The following MLXIP variants were observed in gnomAD, a reference collection of about 807,000 sequenced individuals.
MLXIP encodes the protein MLX-interacting protein.
A neutral mutation model predicts 87.2 loss-of-function variants in MLXIP; 30 were observed. The observed-to-expected ratio is 0.34, with a 90% confidence interval of 0.26 to 0.47. The LOEUF is 0.47. Ranked by LOEUF, MLXIP falls within the 20% of genes least tolerant of loss-of-function variation. The pLI is 1.00. For missense variants in MLXIP, 1,002 were observed against 1,240.1 expected (o/e 0.81, Z 2.88); for synonymous variants, 530 against 514.0 (o/e 1.03, Z -0.42).
At chr12:122,122,679 G>A (rs895956303) in intron 1 of MLXIP, among the ~76,000 whole-genome samples, 1 of 151,838 alleles carries the variant, frequency 6.6e-6, no homozygotes, top group African/African-American at 2.4e-5. Flanking sequence ...GTAGCTGGGA[G>A]TACAGGCGCC....
At chr12:122,122,003 C>G (rs933264326) in intron 1 of MLXIP, among the ~76,000 whole-genome samples, 2 of 152,176 alleles carry the variant, frequency 1.3e-5, no homozygotes, top group African/African-American at 4.8e-5. Context: ...CGATGGCCTT[C>G]CCACAGAGGG....
chr12:122,137,427 G>A lies in MLXIP; in HGVS notation c.2033-42G>A, dbSNP rs774796085. ...CCAGGCTGCCTCCTGGTGGCGTTGAGGGGCCAGGCCTCCGCCCCTCAGAGG... is the reference window on the plus strand; with the variant it reads ...CCAGGCTGCCTCCTGGTGGCGTTGAAGGGCCAGGCCTCCGCCCCTCAGAGG... On this transcript the variant is annotated intron_variant, in intron 11 of 16. Coordinates refer to ENST00000319080, the MANE Select transcript of MLXIP (RefSeq NM_014938.6). The surrounding 1 kb of genome is among the most constrained non-coding windows in gnomAD (Gnocchi z 4.1). 3.8e-6 allele frequency: 6 copies of A among 1,586,368 alleles called. No homozygotes were observed. The Admixed American group carries it at 1.1e-4, about 29-fold the overall frequency.
intron 1 of MLXIP, among the ~76,000 whole-genome samples, chr12:122,100,108 C>T (rs1306141444): frequency 1.3e-5 from 2 of 152,032 alleles, no homozygotes; most frequent in African/African-American, 4.8e-5. Context: ...GAGTGTAGAC[C>T]TGGTGAACAG....
rs1565951712 is a variant in MLXIP, at chr12:122,079,146, A to G, written c.293A>G (p.Asp98Gly). The G allele has an allele frequency of 6.4e-7, 1 of 1,550,642 alleles. No homozygotes were observed. The highest frequency in any genetic ancestry group is 8.7e-7 in the Non-Finnish European group (1 of 1,146,732). ...GAGCACCCGCCCAAGAAGGGCTACG[A>G]TTTCGACACGGTCAACAAACAGACG... The part of the protein sequence containing the change: ...HREHPPKKGY[D>G]FDTVNKQTCQ... Residue 98 changes from aspartate to glycine, a missense_variant, in exon 1 of 17, where the codon GAT becomes GGT. Physicochemically the swap from Asp to Gly is moderately conservative, Grantham distance 94. This residue lies in a region of MLXIP where 127 missense variants were observed against 239.0 expected (regional missense o/e 0.53). Transcript: ENST00000319080.
rs746678463 is a variant in MLXIP at position 122,084,144 on chromosome 12, T to TTGTG, written c.413+4924_413+4927dup. 9.7e-3 allele frequency among the ~76,000 whole-genome samples: 1,338 copies of TTGTG among 138,218 alleles called. 21 individuals carry two copies. The highest frequency in any genetic ancestry group is 0.025 in the African/African-American group (915 of 36,732). The allele number at this position is 138,218 out of a possible 152,430, so 90.7% of individuals were successfully genotyped here. On this transcript the variant is annotated intron_variant, in intron 1 of 16. Transcript: ENST00000319080. Reference sequence around the variant, plus strand: ...TACCGGGAAGGATATCTCAGCCAGATTGTGTGTGTGTGTGTGTGTGTGTGT... The same window carrying TTGTG: ...TACCGGGAAGGATATCTCAGCCAGATTGTGTGTGTGTGTGTGTGTGTGTGTGTGT...
At chr12:122,109,225 C>T (rs569085936) in intron 1 of MLXIP, among the ~76,000 whole-genome samples, 2 of 152,156 alleles carry the variant, frequency 1.3e-5, no homozygotes, top group Admixed American at 6.5e-5. Context: ...TGAGCCACCA[C>T]GCCCAGCTAA....
Position 122,145,959 on chromosome 12 carries a change from G to A in MLXIP, c.*4147G>A, listed in dbSNP as rs1455346418. ...CTCGCCCGCCTGAGGCCTCCTAGCA[G>A]GCAGCCTGGGTGTGAGTTGAGCCTC... On this transcript the variant is annotated 3_prime_UTR_variant, in exon 17 of 17. Coordinates refer to ENST00000319080, the MANE Select transcript of MLXIP (RefSeq NM_014938.6). 2.0e-5 allele frequency: 3 copies of A among 152,462 alleles called. No homozygotes were observed. Among genetic ancestry groups the A allele is most frequent in the Non-Finnish European group, 2.9e-5 (2 of 68,260 alleles). The allele number at this position is 152,462 out of a possible 1,614,324, so 9.4% of individuals were successfully genotyped here.
chr12:122,100,516 T>C (rs1952421122), intron 1 of MLXIP, among the ~76,000 whole-genome samples: 1 of 152,160 alleles, frequency 6.6e-6, no homozygotes, highest in Non-Finnish European at 1.5e-5. Context: ...TTTAGAAACA[T>C]ATTTTTGAAT....
At chr12:122,097,192 G>T (rs1423811590) in intron 1 of MLXIP, among the ~76,000 whole-genome samples, 1 of 152,082 alleles carries the variant, frequency 6.6e-6, no homozygotes, top group Non-Finnish European at 1.5e-5. Context: ...GGCGGACAGG[G>T]TCTCGCTCTG....
intron 14 of MLXIP, 115 bp downstream of exon 14, chr12:122,138,666 A>ATTACT (rs1357350786): frequency 6.7e-7 from 1 of 1,495,274 alleles, no homozygotes; most frequent in East Asian, 2.5e-5. Context: ...TTGCTGCAGT[A>ATTACT]GTTCTGCTCT....
At position 122,144,878 on chromosome 12, in the gene MLXIP, C is replaced by A. The variant is rs1029591867; in HGVS notation, c.*3066C>A. 10 of 151,890 alleles carry A rather than the reference C, an allele frequency of 6.6e-5. No individual in the cohort carries two copies. The highest frequency in any genetic ancestry group is 2.4e-4 in the African/African-American group (10 of 41,324). The allele number at this position is 151,890 out of a possible 1,614,324, so 9.4% of individuals were successfully genotyped here. Reference sequence around the variant, plus strand: ...CTCCAGCCTGGGTGACAGAGCAAAACCCTATCTCAAAAAAAAAAAGAAGAA... The same window carrying A: ...CTCCAGCCTGGGTGACAGAGCAAAAACCTATCTCAAAAAAAAAAAGAAGAA... On this transcript the variant is annotated 3_prime_UTR_variant, in exon 17 of 17. Coordinates refer to ENST00000319080, the MANE Select transcript of MLXIP (RefSeq NM_014938.6).
intron 1 of MLXIP, among the ~76,000 whole-genome samples, chr12:122,094,762 C>T (rs1219601677): frequency 1.7e-5 from 2 of 114,708 alleles, no homozygotes; most frequent in Non-Finnish European, 3.5e-5. Context: ...TGTGTGTATG[C>T]GGTGTCTGTG....
intron 1 of MLXIP, among the ~76,000 whole-genome samples, chr12:122,114,668 C>T (rs75007182): frequency 0.019 from 2,918 of 152,102 alleles, 98 homozygotes; most frequent in African/African-American, 0.068. Flanking sequence ...ATTTCTAATT[C>T]CAGGGGCCTA....
At chr12:122,103,840 GTTT>G (rs377424471) in intron 1 of MLXIP, among the ~76,000 whole-genome samples, 1 of 142,832 alleles carries the variant, frequency 7.0e-6, no homozygotes. Flanking sequence ...AATTTTGTTT[GTTT>G]TTTTTTTTTT....
At position 122,141,643 on chromosome 12, in the gene MLXIP, G is replaced by A. The variant is rs748789643; in HGVS notation, c.2639-48G>A. The A allele has an allele frequency of 3.1e-6, 5 of 1,604,114 alleles. No individual in the cohort carries two copies. The South Asian group carries it at 3.4e-5, about 11-fold the overall frequency. ...AGGTACAAAGCCGAGTGTGCGGTGT[G>A]TGGTGGGTCTGTGTCACTGCCTGTG... On this transcript the variant is annotated intron_variant, in intron 16 of 16. Coordinates refer to ENST00000319080, the MANE Select transcript of MLXIP (RefSeq NM_014938.6).
intron 1 of MLXIP, among the ~76,000 whole-genome samples, chr12:122,090,725 T>G (rs900548854): frequency 6.6e-6 from 1 of 152,224 alleles, no homozygotes; most frequent in African/African-American, 2.4e-5. Flanking sequence ...AAGTAAATAC[T>G]TTTAAAAACA....
intron 1 of MLXIP, among the ~76,000 whole-genome samples, chr12:122,122,360 T>C (rs2135960277): frequency 6.6e-6 from 1 of 152,038 alleles, no homozygotes; most frequent in Middle Eastern, 3.4e-3. Flanking sequence ...GGCTCCCTTG[T>C]GGGCTTTGTA....
chr12:122,133,857 A>T lies in MLXIP; in HGVS notation c.1602A>T (p.Pro534=). 1 of 1,612,864 alleles carries T rather than the reference A, an allele frequency of 6.2e-7. No individual in the cohort carries two copies. Among genetic ancestry groups the T allele is most frequent in the South Asian group, 1.1e-5 (1 of 90,858 alleles). ...CTCCTGTCACCCGGCCTCCCCAGCC[A>T]CGGTTAACTTTTGTGCACCCCAAAC... is the stretch of plus-strand genomic sequence containing the variant. ...ALSPVTRPPQ[P]RLTFVHPKPV... is the part of the protein sequence containing the mutation. The change falls in exon 9 of 17, where the codon CCA becomes CCT. Residue 534 remains proline (P), a synonymous_variant. Coordinates refer to ENST00000319080, the MANE Select transcript of MLXIP (RefSeq NM_014938.6). The surrounding 1 kb of genome is among the most constrained non-coding windows in gnomAD (Gnocchi z 4.9).
At chr12:122,100,253 T>C (rs970513276) in intron 1 of MLXIP, among the ~76,000 whole-genome samples, 1 of 152,236 alleles carries the variant, frequency 6.6e-6, no homozygotes, top group African/African-American at 2.4e-5. Flanking sequence ...ATGACTTCTT[T>C]AGGTCAGTCC....
Sources: allele counts gnomAD v4.1 joint callset (sites outside exome capture counted in the v4.1 genomes callset), GRCh38; gene constraint gnomAD v4.1.1; regional missense constraint gnomAD v4.1.1; non-coding constraint Gnocchi (gnomAD v3.1); transcripts MANE v1.5; gene names NCBI Gene and HGNC (gene_info 2026-07-23, HGNC 2026-07-21).